Variants in KIAA0586 observed in about 807,000 individuals in gnomAD.
KIAA0586 encodes KIAA0586.
KIAA0586 carries 144 observed loss-of-function variants against 169.8 expected under a neutral mutation model. The observed-to-expected ratio is 0.85, with a 90% CI of 0.74 to 0.97. The LOEUF is 0.97. KIAA0586 is among the 50% of genes least tolerant of loss of function. The probability of loss-of-function intolerance (pLI) is 0.00; values close to 1 mark genes in which losing one functional copy is unlikely to be tolerated. For missense variants in KIAA0586, 1,854 were observed against 1,823.0 expected, an observed-to-expected ratio of 1.02 and a Z score of -0.31; for synonymous variants, 625 against 612.4, an observed-to-expected ratio of 1.02 and a Z score of -0.30.
intron 4 of KIAA0586, among the ~76,000 whole-genome samples, chr14:58,442,329 C>G (rs906379064): frequency 6.6e-6 from 1 of 152,026 alleles, no homozygotes; most frequent in African/African-American, 2.4e-5. Flanking sequence ...AGGCTGGCCT[C>G]TAACTCCTGA....
chr14:58,441,209 T>C (rs1566787914), intron 4 of KIAA0586: 1 of 306,302 alleles, frequency 3.3e-6, no homozygotes, highest in South Asian at 2.6e-5. Context: ...TTTTTTTTTT[T>C]TTCTGGGACA....
chr14:58,508,537 TTACATTTTTGA>T lies in KIAA0586; in HGVS notation c.4169-15_4169-5del. On this transcript the variant is annotated splice_region_variant and splice_polypyrimidine_tract_variant and intron_variant, in intron 27 of 30. Coordinates refer to ENST00000652326, the MANE Select transcript of KIAA0586 (RefSeq NM_001329943.3). ...TTAACACTTTATTTTAACTTTTTAT[TTACATTTTTGA>T]TAACAGGTAGTATTTATGAAGATTC... is the stretch of plus-strand genomic sequence containing the variant. 4.6e-6 allele frequency: 7 copies of T among 1,526,274 alleles called. No individual in the cohort carries two copies. The highest frequency in any genetic ancestry group is 5.3e-6 in the Non-Finnish European group (6 of 1,129,648). The allele number at this position is 1,526,274 out of a possible 1,614,324, so 94.5% of individuals were successfully genotyped here.
At position 58,448,442 on chromosome 14, in the gene KIAA0586, A is replaced by G. The variant is rs1206471660; in HGVS notation, c.910A>G (p.Asn304Asp). 7 of 1,612,378 alleles carry G rather than the reference A, an allele frequency of 4.3e-6. No homozygotes were observed. The highest frequency in any genetic ancestry group is 5.9e-6 in the Non-Finnish European group (7 of 1,178,746). The change falls in exon 7 of 31, where the codon AAT becomes GAT. Residue 304 changes from asparagine to aspartate, a missense_variant. Physicochemically the swap from Asn to Asp is conservative, Grantham distance 23. Transcript: ENST00000652326. Reference protein sequence around the residue: ...EKYSVKPEHPNLGSCNPSLYN... With the variant: ...EKYSVKPEHPDLGSCNPSLYN... ...GTATTCCGTAAAACCAGAACACCCTAATCTTGGTAGCTGTAATCCATCTTT... is the reference window on the plus strand; with the variant it reads ...GTATTCCGTAAAACCAGAACACCCTGATCTTGGTAGCTGTAATCCATCTTT...
At chr14:58,496,548 T>G (rs933770210) in intron 26 of KIAA0586, among the ~76,000 whole-genome samples, 1 of 152,168 alleles carries the variant, frequency 6.6e-6, no homozygotes, top group African/African-American at 2.4e-5. Context: ...ATTTTTTAAT[T>G]TAAAGGATGT....
chr14:58,516,338 G>A (rs1269891693), intron 29 of KIAA0586, among the ~76,000 whole-genome samples: 1 of 152,160 alleles, frequency 6.6e-6, no homozygotes, highest in Non-Finnish European at 1.5e-5. Flanking sequence ...TTAAGCCACT[G>A]AGGAAGGGGC....
intron 14 of KIAA0586, chr14:58,464,127 G>A: frequency 2.5e-6 from 1 of 401,214 alleles, no homozygotes; most frequent in Non-Finnish European, 5.0e-6. Flanking sequence ...TGGAAGAACT[G>A]GAAGGTGAAA....
At chr14:58,507,340 A>G (rs1465568045) in intron 27 of KIAA0586, among the ~76,000 whole-genome samples, 1 of 146,234 alleles carries the variant, frequency 6.8e-6, no homozygotes, top group African/African-American at 2.5e-5. Context: ...ATATATAAAT[A>G]TATAATATCA....
At position 58,444,153 on chromosome 14, in the gene KIAA0586, A is replaced by G. The variant is rs376289224; in HGVS notation, c.785A>G (p.Gln262Arg). 11 of 1,608,620 alleles carry G rather than the reference A, an allele frequency of 6.8e-6. No homozygotes were observed. The highest frequency in any genetic ancestry group is 8.5e-6 in the Non-Finnish European group (10 of 1,175,362). ...EQHIRHLEKL[Q>R]QQQIDIQTHF... Reference sequence around the variant, plus strand: ...CACATAAGGCATCTTGAAAAGTTACAACAACAACAAATAGATATTCAGGTA... The same window carrying G: ...CACATAAGGCATCTTGAAAAGTTACGACAACAACAAATAGATATTCAGGTA... The change falls in exon 6 of 31, where the codon CAA becomes CGA. Residue 262 changes from glutamine to arginine, a missense_variant. Coordinates refer to ENST00000652326, the MANE Select transcript of KIAA0586 (RefSeq NM_001329943.3).
At chr14:58,484,924 A>ATAAATATATATTTTT (rs1566877360) in intron 21 of KIAA0586, among the ~76,000 whole-genome samples, 3 of 13,048 alleles carry the variant, frequency 2.3e-4, no homozygotes, top group Non-Finnish European at 4.0e-4. Flanking sequence ...ATATATATAT[A>ATAAATATATATTTTT]TTTTTTTTTT....
rs576187950 is a variant in KIAA0586, at chr14:58,514,603, C to T, written c.4429+1976C>T. ...GGACACAGATTCCAGCACCATATTGCTAGGAACTTAGTAAAGTACTTAGTT... is the reference window on the plus strand; with the variant it reads ...GGACACAGATTCCAGCACCATATTGTTAGGAACTTAGTAAAGTACTTAGTT... On this transcript the variant is annotated intron_variant, in intron 29 of 30. Coordinates refer to ENST00000652326, the MANE Select transcript of KIAA0586 (RefSeq NM_001329943.3). Among the ~76,000 whole-genome samples the T allele has an allele frequency of 3.3e-5, 5 of 152,108 alleles. No individual in the cohort carries two copies. In the South Asian group the frequency reaches 8.3e-4, roughly 25 times the overall value.
chr14:58,547,825 A>C lies in KIAA0586; in HGVS notation c.4540A>C (p.Lys1514Gln), dbSNP rs755858457. 1.2e-6 allele frequency: 2 copies of C among 1,613,644 alleles called. No individual in the cohort carries two copies. Among genetic ancestry groups the C allele is most frequent in the African/African-American group, 2.7e-5 (2 of 74,908 alleles). The change falls in exon 31 of 31, where the codon AAG (lysine) becomes CAG (glutamine). Residue 1514 changes from lysine to glutamine, a missense_variant. Coordinates refer to ENST00000652326, the MANE Select transcript of KIAA0586 (RefSeq NM_001329943.3). ...CTCCGCTTCACAGATGCCCCCTGCC[A>C]AGATGTCAGTGATGCTGCCGTCAGT... ...PLSASQMPPA[K>Q]MSVMLPSVNL...
chr14:58,504,666 A>G (rs1272424932), intron 27 of KIAA0586, among the ~76,000 whole-genome samples: 1 of 152,212 alleles, frequency 6.6e-6, no homozygotes, highest in Admixed American at 6.5e-5. Context: ...CTTGAATGAA[A>G]TAATATTTTA....
intron 29 of KIAA0586, among the ~76,000 whole-genome samples, chr14:58,522,983 T>C (rs1217266476): frequency 6.6e-6 from 1 of 152,146 alleles, no homozygotes; most frequent in African/African-American, 2.4e-5. Context: ...TGTTCCAATG[T>C]GAAAGGATTT....
intron 26 of KIAA0586, among the ~76,000 whole-genome samples, chr14:58,498,388 C>T (rs2043311285): frequency 6.6e-6 from 1 of 151,404 alleles, no homozygotes; most frequent in African/African-American, 2.4e-5. Context: ...GTTGCCTAGG[C>T]TGGTCTTGAA....
intron 9 of KIAA0586, among the ~76,000 whole-genome samples, chr14:58,455,483 T>C (rs1333842984): frequency 6.6e-6 from 1 of 152,210 alleles, no homozygotes; most frequent in Non-Finnish European, 1.5e-5. Flanking sequence ...CAGAGTTTAT[T>C]GTTGCTAGTT....
At position 58,488,633 on chromosome 14, in the gene KIAA0586, G is replaced by A. The variant is rs1389699811; in HGVS notation, c.3540G>A (p.Val1180=). 1 of 1,613,876 alleles carries A rather than the reference G, an allele frequency of 6.2e-7. No individual in the cohort carries two copies. The highest frequency in any genetic ancestry group is 1.3e-5 in the African/African-American group (1 of 75,014). The change falls in exon 24 of 31, where the codon GTG becomes GTA. Residue 1180 remains valine (V), a synonymous_variant. Transcript: ENST00000652326. ...ELHPRAIVMS[V]AKDEEPESMD... is the part of the protein sequence containing the mutation. ...TTTATTTTCTTAGTGTAATGTCTGT[G>A]GCTAAGGATGAAGAACCAGAGAGTA...
intron 14 of KIAA0586, chr14:58,463,960 G>T: frequency 2.3e-6 from 1 of 439,978 alleles, no homozygotes; most frequent in South Asian, 1.7e-5. Context: ...CTGACCCCAA[G>T]ACCTTGCAGG....
At chr14:58,507,346 TA>T (rs1180818338) in intron 27 of KIAA0586, among the ~76,000 whole-genome samples, 2 of 145,118 alleles carry the variant, frequency 1.4e-5, no homozygotes. Context: ...AAATATATAA[TA>T]TCATATATAA....
At chr14:58,432,022 G>C (rs894114729) in intron 3 of KIAA0586, among the ~76,000 whole-genome samples, 2 of 152,130 alleles carry the variant, frequency 1.3e-5, no homozygotes, top group Non-Finnish European at 2.9e-5. Flanking sequence ...AGTGAACAGA[G>C]GTAATTGGAC....
Sources: allele counts gnomAD v4.1 joint callset (sites outside exome capture counted in the v4.1 genomes callset), GRCh38; gene constraint gnomAD v4.1.1; transcripts MANE v1.5; gene names NCBI Gene and HGNC (gene_info 2026-07-23, HGNC 2026-07-21).